Variants in ABL1 observed in about 807,000 individuals in gnomAD.
The protein encoded by ABL1 is tyrosine-protein kinase ABL1.
ABL1 carries 11 observed loss-of-function variants against 94.7 expected under a neutral mutation model. The observed-to-expected ratio is 0.12, with a 90% CI of 0.07 to 0.19. The LOEUF (loss-of-function observed/expected upper bound fraction) is 0.19, where lower values mean the gene tolerates loss of function less well. Among genes scored for constraint, ABL1 ranks in the 10% least tolerant of loss-of-function variants. The probability of loss-of-function intolerance (pLI) is 1.00; values close to 1 mark genes in which losing one functional copy is unlikely to be tolerated. For synonymous variants in ABL1, 656 were observed against 622.4 expected, an observed-to-expected ratio of 1.05 and a Z score of -0.80; for missense variants, 1,082 against 1,489.4, an observed-to-expected ratio of 0.73 and a Z score of 4.50.
At chr9:130,841,406 C>CA (rs758305454) in intron 1 of ABL1, among the ~76,000 whole-genome samples, 13 of 152,002 alleles carry the variant, frequency 8.6e-5, no homozygotes, top group Admixed American at 2.6e-4. Flanking sequence ...TGCACCGGGC[C>CA]AAAAATCTTA....
chr9:130,882,239 G>C lies in ABL1; in HGVS notation c.1678+1575G>C, dbSNP rs142220892. Among the ~76,000 whole-genome samples the C allele has an allele frequency of 4.6e-4, 70 of 152,246 alleles. 1 individual carries two copies. The East Asian group carries it at 0.013, about 28-fold the overall frequency. On this transcript the variant is annotated intron_variant, in intron 10 of 10. Coordinates refer to ENST00000318560, the MANE Select transcript of ABL1 (RefSeq NM_005157.6). ...TACGCCCGTCAGTTTCATCTGAGGG[G>C]TATTTTGATAGTGATCTCTTGGTGA...
In ABL1 at chr9:130,885,820, G is replaced by A; in HGVS notation, c.*137G>A. On this transcript the variant is annotated 3_prime_UTR_variant, in exon 11 of 11. Transcript: ENST00000318560. ...CAGGAGCTCTGCGCCAGGCAGAGCT[G>A]AGGGCCCTGTGGAGTCCAGCTCTAC... is the stretch of plus-strand genomic sequence containing the variant. 1 of 1,214,510 alleles carries A rather than the reference G, an allele frequency of 8.2e-7. No individual in the cohort carries two copies. The highest frequency in any genetic ancestry group is 1.1e-6 in the Non-Finnish European group (1 of 893,156). 75.2% of individuals were successfully genotyped at this position (1,214,510 alleles called of 1,614,324 possible).
chr9:130,774,450 C>G (rs1218844707), intron 1 of ABL1, among the ~76,000 whole-genome samples: 1 of 151,930 alleles, frequency 6.6e-6, no homozygotes, highest in Non-Finnish European at 1.5e-5. Flanking sequence ...TCAGACTGCC[C>G]TATAAAGCTA....
chr9:130,885,836 C>A lies in ABL1; in HGVS notation c.*153C>A. The A allele has an allele frequency of 2.0e-6, 2 of 1,011,920 alleles. No homozygotes were observed. The highest frequency in any genetic ancestry group is 1.7e-5 in the South Asian group (1 of 57,942). The allele number at this position is 1,011,920 out of a possible 1,614,324, so 62.7% of individuals were successfully genotyped here. On this transcript the variant is annotated 3_prime_UTR_variant, in exon 11 of 11. Coordinates refer to ENST00000318560, the MANE Select transcript of ABL1 (RefSeq NM_005157.6). ...GGCAGAGCTGAGGGCCCTGTGGAGT[C>A]CAGCTCTACTACCTACGTTTGCACC...
At chr9:130,846,821 GA>G (rs1279271503) in intron 1 of ABL1, among the ~76,000 whole-genome samples, 1 of 152,236 alleles carries the variant, frequency 6.6e-6, no homozygotes, top group African/African-American at 2.4e-5. Context: ...CCATGTCCGA[GA>G]ATCTTTTGTA....
At chr9:130,794,673 G>A (rs556673203) in intron 1 of ABL1, among the ~76,000 whole-genome samples, 25 of 152,244 alleles carry the variant, frequency 1.6e-4, no homozygotes, top group African/African-American at 5.1e-4. Flanking sequence ...TTCATAACTG[G>A]TGATCACTGT....
At chr9:130,851,545 CA>C (rs1830863960) in intron 1 of ABL1, among the ~76,000 whole-genome samples, 2 of 151,756 alleles carry the variant, frequency 1.3e-5, no homozygotes, top group South Asian at 4.2e-4. Context: ...GAAGTTTGAT[CA>C]GGTGGGTTCT....
At position 130,886,676 on chromosome 9, in the gene ABL1, C is replaced by G. The variant is rs556595473; in HGVS notation, c.*993C>G. On this transcript the variant is annotated 3_prime_UTR_variant, in exon 11 of 11. Coordinates refer to ENST00000318560, the MANE Select transcript of ABL1 (RefSeq NM_005157.6). ...CCCTGAAAGGGCCCTTCCCCTCCCC[C>G]ACTCCTCTAAGACAAAGTAGATTCT... The G allele has an allele frequency of 2.1e-5, 5 of 233,770 alleles. No individual in the cohort carries two copies. Among genetic ancestry groups the G allele is most frequent in the East Asian group, 6.0e-5 (1 of 16,578 alleles). 14.5% of individuals were successfully genotyped at this position (233,770 alleles called of 1,614,324 possible).
At chr9:130,878,270 A>G (rs1831386523) in intron 7 of ABL1, 145 bp from the exon 8 acceptor site, 1 of 959,790 alleles carries the variant, frequency 1.0e-6, no homozygotes, top group South Asian at 1.6e-5. Context: ...TCTTCTGATG[A>G]TAAAGAGCCT....
At position 130,808,249 on chromosome 9, in the gene ABL1, T is replaced by TCTTC. The variant is rs199526867; in HGVS notation, c.137-45815_137-45814insCTTC. 3.9e-3 allele frequency among the ~76,000 whole-genome samples: 549 copies of TCTTC among 141,382 alleles called. 2 individuals are homozygous for TCTTC. The highest frequency in any genetic ancestry group is 7.2e-3 in the Middle Eastern group (2 of 278). 92.8% of individuals were successfully genotyped at this position (141,382 alleles called of 152,430 possible). A position where few individuals can be genotyped will look rare whatever the true frequency, so the allele number is the denominator to read the frequency against. On this transcript the variant is annotated intron_variant, in intron 1 of 10. Coordinates refer to the ABL1 transcript ENST00000372348. ...TTCTTCTTCTTCTTCTTCTTCTTCT[T>TCTTC]TTTTTTTTTTTTGAAATGGAGTCGT...
At position 130,880,793 on chromosome 9, in the gene ABL1, A is replaced by G. The variant is rs117903084; in HGVS notation, c.1678+129A>G. 1,039 of 1,172,582 alleles carry G rather than the reference A, an allele frequency of 8.9e-4. 13 individuals carry two copies. In the East Asian group the frequency reaches 0.019, roughly 21 times the overall value. The allele number at this position is 1,172,582 out of a possible 1,614,324, so 72.6% of individuals were successfully genotyped here. ...AGAAGGGCAGCCATGGCCTTTGTCAATGGTTCAGCTTCGGAAGGAGGAAGG... is the reference window on the plus strand; with the variant it reads ...AGAAGGGCAGCCATGGCCTTTGTCAGTGGTTCAGCTTCGGAAGGAGGAAGG... On this transcript the variant is annotated intron_variant, in intron 10 of 10. Coordinates refer to ENST00000318560, the MANE Select transcript of ABL1 (RefSeq NM_005157.6). The surrounding 1 kb of genome is among the most constrained non-coding windows in gnomAD (Gnocchi z 4.4).
At chr9:130,729,141 T>C (rs1243581816) in intron 1 of ABL1, among the ~76,000 whole-genome samples, 2 of 152,150 alleles carry the variant, frequency 1.3e-5, no homozygotes, top group Non-Finnish European at 2.9e-5. Context: ...GGGTACTCTT[T>C]AGACTTAATG....
At chr9:130,773,628 C>CTT (rs57265547) in intron 1 of ABL1, among the ~76,000 whole-genome samples, 22 of 108,980 alleles carry the variant, frequency 2.0e-4, no homozygotes, top group African/African-American at 4.1e-4. Context: ...CTGGCTAACT[C>CTT]TTTTTTTTTT....
chr9:130,798,259 C>T (rs2132823814), intron 1 of ABL1, among the ~76,000 whole-genome samples: 1 of 152,196 alleles, frequency 6.6e-6, no homozygotes, highest in East Asian at 1.9e-4. Context: ...ACATTCTACC[C>T]CACACTCATA....
intron 1 of ABL1, among the ~76,000 whole-genome samples, chr9:130,793,991 C>T (rs1829941845): frequency 6.6e-6 from 1 of 152,098 alleles, no homozygotes; most frequent in South Asian, 2.1e-4. Context: ...ATAGGACTGT[C>T]TAGTTGCAGG....
intron 1 of ABL1, among the ~76,000 whole-genome samples, chr9:130,783,055 A>T (rs561313107): frequency 3.0e-4 from 46 of 152,314 alleles, no homozygotes; most frequent in African/African-American, 1.1e-3. Flanking sequence ...GCCACACTTA[A>T]GGAAATCCAC....
At chr9:130,740,435 A>G (rs957382990) in intron 1 of ABL1, among the ~76,000 whole-genome samples, 1 of 152,230 alleles carries the variant, frequency 6.6e-6, no homozygotes, top group African/African-American at 2.4e-5. Flanking sequence ...CGCCCCAGAC[A>G]TCATCAGCTC....
chr9:130,806,898 T>C (rs1057446187), intron 1 of ABL1, among the ~76,000 whole-genome samples: 5 of 152,106 alleles, frequency 3.3e-5, no homozygotes, highest in Non-Finnish European at 5.9e-5. Context: ...TGCCTGTAAT[T>C]CCAGCACTTT....
intron 1 of ABL1, among the ~76,000 whole-genome samples, chr9:130,767,532 C>T (rs1402185538): frequency 1.3e-5 from 2 of 152,194 alleles, no homozygotes; most frequent in Non-Finnish European, 2.9e-5. Context: ...GGGGTTTCAA[C>T]ATGTTAGCCA....
Sources: gnomAD v4.1 joint callset for allele counts (sites outside exome capture counted in the v4.1 genomes callset) on GRCh38, gnomAD v4.1.1 for gene constraint, Gnocchi (gnomAD v3.1) non-coding constraint, MANE v1.5 for transcripts, NCBI Gene and HGNC (gene_info 2026-07-23, HGNC 2026-07-21) for gene names.